Variants in HS3ST3B1 observed in about 807,000 individuals in gnomAD.
HS3ST3B1 encodes the protein heparan sulfate glucosamine 3-O-sulfotransferase 3B1.
Under a neutral mutation model 21.3 loss-of-function variants are expected in HS3ST3B1, and 13 were observed. That is an observed-to-expected ratio of 0.61 (90% confidence interval 0.40 to 0.97). HS3ST3B1 has a LOEUF of 0.97. Ranked by LOEUF, HS3ST3B1 falls within the 50% of genes least tolerant of loss-of-function variation. The probability of loss-of-function intolerance (pLI) is 0.00; values close to 1 mark genes in which losing one functional copy is unlikely to be tolerated. For synonymous variants in HS3ST3B1, 234 were observed against 254.8 expected (o/e 0.92, Z 0.78); for missense variants, 459 against 554.8 (o/e 0.83, Z 1.73).
intron 1 of HS3ST3B1, among the ~76,000 whole-genome samples, chr17:14,307,092 T>A (rs555323023): frequency 1.3e-5 from 2 of 152,330 alleles, no homozygotes; most frequent in East Asian, 3.9e-4. Context: ...CCATTTGTTT[T>A]AGATAAATAT....
At chr17:14,310,997 C>T (rs1310896400) in intron 1 of HS3ST3B1, among the ~76,000 whole-genome samples, 1 of 152,088 alleles carries the variant, frequency 6.6e-6, no homozygotes, top group South Asian at 2.1e-4. Flanking sequence ...ATGGAGGAAG[C>T]CAAAGGTGAC....
At position 14,345,500 on chromosome 17, in the gene HS3ST3B1, A is replaced by G; in HGVS notation, c.1027A>G (p.Ser343Gly). 6.3e-7 allele frequency: 1 copy of G among 1,583,206 alleles called. No individual in the cohort carries two copies. The highest frequency in any genetic ancestry group is 8.7e-7 in the Non-Finnish European group (1 of 1,155,664). ...GFPCLKKAEG[S>G]SRPHCLGKTK... is the part of the protein sequence containing the mutation. ...CCCCTGCCTGAAGAAGGCGGAGGGC[A>G]GCAGCCGGCCCCATTGCCTGGGCAA... The change falls in exon 2 of 2, where the codon AGC (serine) becomes GGC (glycine). Residue 343 changes from serine to glycine, a missense_variant. Transcript: ENST00000360954.
chr17:14,315,828 A>G (rs893009423), intron 1 of HS3ST3B1, among the ~76,000 whole-genome samples: 1 of 152,138 alleles, frequency 6.6e-6, no homozygotes, highest in African/African-American at 2.4e-5. Context: ...TCTCAAAAAA[A>G]AAAAAAATTA....
At chr17:14,313,511 C>G (rs1163050890) in intron 1 of HS3ST3B1, among the ~76,000 whole-genome samples, 1 of 152,198 alleles carries the variant, frequency 6.6e-6, no homozygotes, top group Non-Finnish European at 1.5e-5. Context: ...GAACACCACT[C>G]TCTTAACCAC....
At chr17:14,331,903 T>C (rs997096865) in intron 1 of HS3ST3B1, among the ~76,000 whole-genome samples, 2 of 151,928 alleles carry the variant, frequency 1.3e-5, no homozygotes, top group African/African-American at 4.8e-5. Flanking sequence ...AGATAAGGAG[T>C]GGCAGGGCTG....
At chr17:14,305,181 C>A (rs1909092207) in intron 1 of HS3ST3B1, 1 of 152,280 alleles carries the variant, frequency 6.6e-6, no homozygotes, top group Admixed American at 6.5e-5. Flanking sequence ...CACTGTCCAT[C>A]CACACTGGAA....
At chr17:14,334,248 G>C (rs1269036795) in intron 1 of HS3ST3B1, among the ~76,000 whole-genome samples, 1 of 151,224 alleles carries the variant, frequency 6.6e-6, no homozygotes, top group Non-Finnish European at 1.5e-5. Flanking sequence ...ATCTTTGCTA[G>C]ATTCCAGTGT....
At chr17:14,339,928 G>A (rs938057157) in intron 1 of HS3ST3B1, among the ~76,000 whole-genome samples, 31 of 152,142 alleles carry the variant, frequency 2.0e-4, no homozygotes, top group Non-Finnish European at 1.9e-4. Context: ...AGGAAAGTGT[G>A]CCCAGAGGAG....
intron 1 of HS3ST3B1, among the ~76,000 whole-genome samples, chr17:14,333,649 G>T (rs943657997): frequency 6.6e-6 from 1 of 151,920 alleles, no homozygotes; most frequent in African/African-American, 2.4e-5. Flanking sequence ...CTTCGGGCAG[G>T]GGGTGAGAGG....
intron 1 of HS3ST3B1, among the ~76,000 whole-genome samples, chr17:14,330,850 G>A (rs1418788385): frequency 6.6e-6 from 1 of 152,094 alleles, no homozygotes; most frequent in Non-Finnish European, 1.5e-5. Context: ...TAGGGCTGGA[G>A]CCCCACCGAC....
At chr17:14,322,366 A>C (rs961806553) in intron 1 of HS3ST3B1, among the ~76,000 whole-genome samples, 2 of 152,094 alleles carry the variant, frequency 1.3e-5, no homozygotes, top group Non-Finnish European at 2.9e-5. Context: ...CTTCATTGTT[A>C]TTACATTGAG....
chr17:14,338,018 C>T (rs974352968), intron 1 of HS3ST3B1, among the ~76,000 whole-genome samples: 1 of 151,710 alleles, frequency 6.6e-6, no homozygotes, highest in Admixed American at 6.6e-5. Context: ...CCCACCCATC[C>T]AGGGCCTGAT....
At chr17:14,320,746 C>G (rs1409392188) in intron 1 of HS3ST3B1, among the ~76,000 whole-genome samples, 1 of 152,150 alleles carries the variant, frequency 6.6e-6, no homozygotes, top group African/African-American at 2.4e-5. Flanking sequence ...TGGAAGGAGT[C>G]TTTCATTAAG....
At chr17:14,342,085 C>T (rs1401448985) in intron 1 of HS3ST3B1, among the ~76,000 whole-genome samples, 5 of 152,154 alleles carry the variant, frequency 3.3e-5, no homozygotes, top group Non-Finnish European at 7.3e-5. Flanking sequence ...GAGTGCCCGC[C>T]CTCTAGGGAA....
Position 14,301,644 on chromosome 17 carries a change from C to G in HS3ST3B1, c.126C>G (p.Val42=). ...KLALLFAMLC[V]WLYMFLYSCA... ...CGCTGCTCTTCGCCATGCTCTGCGT[C>G]TGGCTCTATATGTTCCTGTACTCGT... The change falls in exon 1 of 2, where the codon GTC becomes GTG. Residue 42 remains valine, a synonymous_variant. Transcript: ENST00000360954. 1 of 1,608,292 alleles carries G rather than the reference C, an allele frequency of 6.2e-7. No individual in the cohort carries two copies. The highest frequency in any genetic ancestry group is 1.3e-5 in the African/African-American group (1 of 74,484).
At chr17:14,318,370 C>T (rs550597123) in intron 1 of HS3ST3B1, among the ~76,000 whole-genome samples, 17 of 152,268 alleles carry the variant, frequency 1.1e-4, no homozygotes, top group South Asian at 1.0e-3. Flanking sequence ...CACGTGTCCA[C>T]GGCTCTCTGG....
chr17:14,333,943 A>C (rs575110086), intron 1 of HS3ST3B1, among the ~76,000 whole-genome samples: 1 of 152,242 alleles, frequency 6.6e-6, no homozygotes, highest in East Asian at 1.9e-4. Flanking sequence ...TTCTATTTTC[A>C]GTAGAGGGGT....
intron 1 of HS3ST3B1, among the ~76,000 whole-genome samples, chr17:14,343,897 CTTT>C (rs55786183): frequency 6.9e-6 from 1 of 144,476 alleles, no homozygotes. Flanking sequence ...TAATTTCTTT[CTTT>C]TTTTTTTTTT....
rs1363310464 is a variant in HS3ST3B1, at chr17:14,301,632, C to T, written c.114C>T (p.Ala38=). 3 of 1,607,918 alleles carry T rather than the reference C, an allele frequency of 1.9e-6. No homozygotes were observed. Among genetic ancestry groups the T allele is most frequent in the Non-Finnish European group, 1.7e-6 (2 of 1,178,868 alleles). ...GGAGGAAGCTCGCGCTGCTCTTCGC[C>T]ATGCTCTGCGTCTGGCTCTATATGT... is the stretch of plus-strand genomic sequence containing the variant. ...PVRRKLALLF[A]MLCVWLYMFL... is the part of the protein sequence containing the mutation. Residue 38 remains alanine (A), a synonymous_variant, in exon 1 of 2, where the codon GCC becomes GCT. Transcript: ENST00000360954.
Sources: allele counts gnomAD v4.1 joint callset (sites outside exome capture counted in the v4.1 genomes callset), GRCh38; gene constraint gnomAD v4.1.1; transcripts MANE v1.5; gene names NCBI Gene and HGNC (gene_info 2026-07-23, HGNC 2026-07-21).